GNPTAB: variants seen among roughly 807,000 people sequenced by gnomAD.
The protein encoded by GNPTAB is N-acetylglucosamine-1-phosphate transferase subunits alpha and beta.
Under a neutral mutation model 136.6 loss-of-function variants are expected in GNPTAB, and 92 were observed. The ratio of observed to expected loss-of-function variants is 0.67; its 90% CI spans 0.57 to 0.80. The LOEUF is 0.80. Among genes scored for constraint, GNPTAB ranks in the 30% least tolerant of loss-of-function variants. The pLI, the probability that GNPTAB is intolerant of heterozygous loss-of-function variation, is 0.00. For missense variants in GNPTAB, 1,343 were observed against 1,501.8 expected (o/e 0.89, Z 1.75); for synonymous variants, 512 against 535.1 (o/e 0.96, Z 0.60).
At chr12:101,805,654 C>G (rs935210207) in intron 1 of GNPTAB, among the ~76,000 whole-genome samples, 2 of 152,156 alleles carry the variant, frequency 1.3e-5, no homozygotes, top group African/African-American at 4.8e-5. Context: ...CTTCTGCCTC[C>G]CAAAATGCTG....
At chr12:101,804,762 A>C (rs974941135) in intron 1 of GNPTAB, among the ~76,000 whole-genome samples, 4 of 152,234 alleles carry the variant, frequency 2.6e-5, no homozygotes, top group African/African-American at 9.6e-5. Context: ...GCAGCTATTC[A>C]AACCTTAAAG....
intron 7 of GNPTAB, among the ~76,000 whole-genome samples, chr12:101,774,470 T>C (rs111918316): frequency 6.6e-6 from 1 of 152,214 alleles, no homozygotes; most frequent in Non-Finnish European, 1.5e-5. Flanking sequence ...TATGAACATA[T>C]GTAAGTATAT....
chr12:101,750,194 G>A (rs995976216), intron 19 of GNPTAB, among the ~76,000 whole-genome samples: 2 of 152,160 alleles, frequency 1.3e-5, no homozygotes, highest in African/African-American at 2.4e-5. Context: ...AATTGGTTAC[G>A]AAGATTAAAT....
At chr12:101,822,209 C>T (rs930360014) in intron 1 of GNPTAB, among the ~76,000 whole-genome samples, 7 of 152,152 alleles carry the variant, frequency 4.6e-5, no homozygotes, top group African/African-American at 1.2e-4. Context: ...GTCAGGAGAT[C>T]AAGACCATCC....
intron 12 of GNPTAB, chr12:101,765,574 A>G: frequency 2.2e-6 from 1 of 462,080 alleles, no homozygotes; most frequent in Non-Finnish European, 3.9e-6. Context: ...TACAACAGTT[A>G]CTGGTATAGG....
At chr12:101,822,164 A>G (rs1275843442) in intron 1 of GNPTAB, among the ~76,000 whole-genome samples, 5 of 152,364 alleles carry the variant, frequency 3.3e-5, no homozygotes, top group South Asian at 2.1e-4. Context: ...CTGTAATCCC[A>G]GCACTTTGGG....
At chr12:101,757,028 C>A in intron 18 of GNPTAB, 184 bp downstream of exon 18, 2 of 559,040 alleles carry the variant, frequency 3.6e-6, no homozygotes, top group Non-Finnish European at 6.3e-6. Context: ...CAGGCTCATC[C>A]CTCTGCATGG....
At chr12:101,786,589 G>A (rs1320073635) in intron 4 of GNPTAB, among the ~76,000 whole-genome samples, 1 of 152,162 alleles carries the variant, frequency 6.6e-6, no homozygotes, top group Non-Finnish European at 1.5e-5. Context: ...TTAATAGAGT[G>A]TCATGTTACC....
chr12:101,801,539 C>CAGAAAA (rs1869627020), intron 1 of GNPTAB, among the ~76,000 whole-genome samples: 1 of 42,580 alleles, frequency 2.3e-5, no homozygotes, highest in Non-Finnish European at 5.3e-5. Flanking sequence ...GACCCTGTCT[C>CAGAAAA]AAAAAAAAAA....
At chr12:101,753,202 G>A (rs573618668) in intron 19 of GNPTAB, among the ~76,000 whole-genome samples, 170 bp downstream of exon 19, 23 of 151,526 alleles carry the variant, frequency 1.5e-4, no homozygotes, top group Non-Finnish European at 2.9e-4. Flanking sequence ...GCAGTGAGCT[G>A]AGGTTGCGCC....
chr12:101,782,303 GT>G lies in GNPTAB; in HGVS notation c.572-1683del, dbSNP rs55653689. On this transcript the variant is annotated intron_variant, in intron 5 of 20. Transcript: ENST00000299314. ...GGTATTTGAGCATTAGAATATATAA[GT>G]TTTTTTTTTAAAAAGATAAGTTTTA... Among the ~76,000 whole-genome samples, 12 of 150,512 alleles carry G rather than the reference GT, an allele frequency of 8.0e-5. 1 individual carries two copies. The highest frequency in any genetic ancestry group is 1.9e-4 in the East Asian group (1 of 5,146).
At position 101,830,660 on chromosome 12, in the gene GNPTAB, G is replaced by A; in HGVS notation, c.16C>T (p.Leu6=). The change falls in exon 1 of 21, where the codon CTG becomes TTG. Residue 6 remains leucine (L), a synonymous_variant. Transcript: ENST00000299314. The part of the protein sequence containing the change: MLFKL[L]QRQTYTCLSH... ...AGGCAGGTATAGGTCTGTCTCTGCAGGAGCTTGAACAGCATCACCCCTTCA... is the reference window on the plus strand; with the variant it reads ...AGGCAGGTATAGGTCTGTCTCTGCAAGAGCTTGAACAGCATCACCCCTTCA... The A allele has an allele frequency of 6.2e-7, 1 of 1,605,600 alleles. No individual in the cohort carries two copies. The highest frequency in any genetic ancestry group is 8.5e-7 in the Non-Finnish European group (1 of 1,173,112).
At chr12:101,822,240 C>T (rs534309121) in intron 1 of GNPTAB, among the ~76,000 whole-genome samples, 8 of 152,146 alleles carry the variant, frequency 5.3e-5, no homozygotes, top group Non-Finnish European at 1.0e-4. Flanking sequence ...GGTGAAACCC[C>T]GTCTCTACTA....
At chr12:101,783,173 C>G (rs1868440453) in intron 5 of GNPTAB, among the ~76,000 whole-genome samples, 1 of 151,962 alleles carries the variant, frequency 6.6e-6, no homozygotes, top group African/African-American at 2.4e-5. Flanking sequence ...CCCATCTGTT[C>G]CCTGCTGTAT....
chr12:101,817,993 G>A (rs773312190), intron 1 of GNPTAB, among the ~76,000 whole-genome samples: 2 of 152,076 alleles, frequency 1.3e-5, no homozygotes, highest in Non-Finnish European at 2.9e-5. Context: ...TTTTCTTCAG[G>A]ATGAATTCAC....
chr12:101,815,740 T>C (rs1870486420), intron 1 of GNPTAB, among the ~76,000 whole-genome samples: 1 of 151,954 alleles, frequency 6.6e-6, no homozygotes, highest in African/African-American at 2.4e-5. Context: ...GGCAAAGCAA[T>C]CCTGAAAGAC....
chr12:101,767,828 A>G (rs1953117383), intron 11 of GNPTAB: 1 of 660,622 alleles, frequency 1.5e-6, no homozygotes, highest in Non-Finnish European at 2.7e-6. Context: ...ATGTTGCCCA[A>G]GCTGGTCTTG....
intron 1 of GNPTAB, chr12:101,810,624 T>C (rs866063983): frequency 2.6e-5 from 4 of 150,948 alleles, no homozygotes; most frequent in Non-Finnish European, 5.9e-5. Flanking sequence ...AATACAGTGG[T>C]GAATAAGACA....
intron 18 of GNPTAB, 167 bp downstream of exon 18, chr12:101,757,045 C>G (rs1952911054): frequency 1.7e-6 from 1 of 579,150 alleles, no homozygotes; most frequent in African/African-American, 1.9e-5. Flanking sequence ...ATGGGGGACC[C>G]TATCTCAACT....
Sources: allele counts gnomAD v4.1 joint callset (sites outside exome capture counted in the v4.1 genomes callset), GRCh38; gene constraint gnomAD v4.1.1; transcripts MANE v1.5; gene names NCBI Gene and HGNC (gene_info 2026-07-23, HGNC 2026-07-21).